Variants in SPG7 observed in about 807,000 individuals in gnomAD.
SPG7 encodes SPG7 matrix AAA peptidase subunit, paraplegin.
Under a neutral mutation model 81.9 loss-of-function variants are expected in SPG7, and 103 were observed. That is an observed-to-expected ratio of 1.26 (90% CI 1.07 to 1.48). SPG7 has a LOEUF of 1.48. SPG7 is among the 40% of genes most tolerant of loss of function. SPG7 has a pLI of 0.00. For missense variants in SPG7, 1,241 were observed against 1,087.3 expected (o/e 1.14, Z -1.99); for synonymous variants, 534 against 444.2 (o/e 1.20, Z -2.54).
In SPG7 at chr16:89,531,963, C is replaced by T. The variant is rs760055951; in HGVS notation, c.1047C>T (p.Gly349=). The change falls in exon 8 of 17, where the codon GGC becomes GGT. Residue 349 remains glycine, a synonymous_variant. Coordinates refer to ENST00000645818, the MANE Select transcript of SPG7 (RefSeq NM_003119.4). The part of the protein sequence containing the change: ...AKVPKGALLL[G]PPGCGKTLLA... The stretch of plus-strand genomic sequence containing the variant: ...TCCCAAAGGGCGCACTGCTGCTCGG[C>T]CCCCCCGGCTGTGGGAAGACGCTGC... The T allele has an allele frequency of 4.3e-6, 7 of 1,612,392 alleles. No homozygotes were observed. Among genetic ancestry groups the T allele is most frequent in the African/African-American group, 2.7e-5 (2 of 74,872 alleles).
chr16:89,544,977 C>T (rs1299195795), intron 10 of SPG7: 2 of 641,230 alleles, frequency 3.1e-6, no homozygotes, highest in African/African-American at 3.6e-5. Flanking sequence ...GTGGCCCCCA[C>T]ATTGGCTGCA....
At position 89,534,672 on chromosome 16, in the gene SPG7, C is replaced by T. The variant is rs541583005; in HGVS notation, c.1324+2036C>T. On this transcript the variant is annotated intron_variant, in intron 9 of 16. Transcript: ENST00000645818. ...CTACTCAGCTAAGGGGGAGCTTGCT[C>T]CACCTCTCATTGCAAAATCACTTTA... is the stretch of plus-strand genomic sequence containing the variant. Among the ~76,000 whole-genome samples the T allele has an allele frequency of 3.7e-4, 57 of 152,324 alleles. 1 individual carries two copies. The highest frequency in any genetic ancestry group is 1.3e-3 in the African/African-American group (55 of 41,572).
chr16:89,542,761 G>C (rs2058511466), intron 9 of SPG7, among the ~76,000 whole-genome samples: 1 of 152,032 alleles, frequency 6.6e-6, no homozygotes. Flanking sequence ...GCTGGAGCCA[G>C]GGTCTCACTC....
chr16:89,541,084 T>C (rs563240659), intron 9 of SPG7: 1 of 984,666 alleles, frequency 1.0e-6, no homozygotes, highest in African/African-American at 1.8e-5. Context: ...GGTGTATCCT[T>C]ATCACGGTGT....
intron 6 of SPG7, 174 bp from the exon 7 acceptor site, chr16:89,530,509 T>A: frequency 2.7e-6 from 2 of 752,102 alleles, no homozygotes; most frequent in Non-Finnish European, 4.8e-6. Flanking sequence ...AACATTTCCC[T>A]TCTGTGCTTG....
chr16:89,525,122 G>T (rs2058243775), intron 4 of SPG7, among the ~76,000 whole-genome samples: 1 of 151,820 alleles, frequency 6.6e-6, no homozygotes, highest in African/African-American at 2.4e-5. Flanking sequence ...ACCACACTTG[G>T]CTAATTTTTA....
intron 13 of SPG7, chr16:89,552,166 C>T (rs1386544628): frequency 1.3e-5 from 2 of 152,402 alleles, no homozygotes; most frequent in South Asian, 2.1e-4. Flanking sequence ...TCACACGATC[C>T]TCCTACCTCA....
intron 4 of SPG7, among the ~76,000 whole-genome samples, chr16:89,526,034 A>G (rs982523594): frequency 3.3e-5 from 5 of 152,206 alleles, no homozygotes; most frequent in Admixed American, 2.0e-4. Context: ...TTAGACTTGG[A>G]AGTACAGATG....
intron 13 of SPG7, chr16:89,551,089 T>G: frequency 4.4e-6 from 1 of 228,074 alleles, no homozygotes; most frequent in African/African-American, 2.2e-5. Context: ...AAAAAACTAC[T>G]CTTGTAGGCA....
chr16:89,530,530 G>A (rs2058327088), intron 6 of SPG7, 153 bp from the exon 7 acceptor site: 7 of 830,012 alleles, frequency 8.4e-6, no homozygotes, highest in South Asian at 1.3e-5. Context: ...AAGACTGACT[G>A]TGAGCCTCGT....
intron 8 of SPG7, 82 bp downstream of exon 8, chr16:89,532,148 C>A: frequency 6.9e-7 from 1 of 1,447,730 alleles, no homozygotes; most frequent in South Asian, 1.1e-5. Flanking sequence ...GGTGTCTGGA[C>A]TGAAAGGGAC....
intron 10 of SPG7, 111 bp downstream of exon 10, chr16:89,544,883 C>T: frequency 1.5e-6 from 2 of 1,364,916 alleles, no homozygotes; most frequent in Non-Finnish European, 2.1e-6. Context: ...TGTCACAGCC[C>T]CACAGGTGCT....
chr16:89,531,906 C>T lies in SPG7; in HGVS notation c.990C>T (p.Ser330=), dbSNP rs769911439. Residue 330 remains serine (S), a splice_region_variant and synonymous_variant, in exon 8 of 17, where the codon AGC becomes AGT. Coordinates refer to ENST00000645818, the MANE Select transcript of SPG7 (RefSeq NM_003119.4). ...EVREFVDYLK[S]PERFLQLGAK... is the part of the protein sequence containing the mutation. ...TTGCATTGTCTGCTGCCGTCCAGAG[C>T]CCAGAACGCTTCCTCCAGCTTGGCG... 1 of 1,614,086 alleles carries T rather than the reference C, an allele frequency of 6.2e-7. No individual in the cohort carries two copies. The highest frequency in any genetic ancestry group is 1.3e-5 in the African/African-American group (1 of 75,052).
chr16:89,525,307 A>C (rs755549687), intron 4 of SPG7, among the ~76,000 whole-genome samples: 59 of 152,328 alleles, frequency 3.9e-4, no homozygotes, highest in Admixed American at 7.8e-4. Flanking sequence ...TTGTTCTTAA[A>C]ATACACCATG....
At chr16:89,555,831 C>T (rs2058682371) in intron 16 of SPG7, 2 of 398,524 alleles carry the variant, frequency 5.0e-6, no homozygotes, top group East Asian at 3.6e-5. Flanking sequence ...GATGGGTAGG[C>T]AGTGGATAGG....
chr16:89,536,765 G>C lies in SPG7; in HGVS notation c.1324+4129G>C, dbSNP rs773551888. The C allele has an allele frequency of 6.8e-6, 11 of 1,613,840 alleles. No individual in the cohort carries two copies. In the South Asian group the frequency reaches 9.9e-5, roughly 14 times the overall value. On this transcript the variant is annotated intron_variant, in intron 9 of 16. Coordinates refer to ENST00000645818, the MANE Select transcript of SPG7 (RefSeq NM_003119.4). ...GTCTGCGGCCTTCTTCTCCAACCAG[G>C]TGCCTCTCTTGACCAGCTACCCTCC... is the stretch of plus-strand genomic sequence containing the variant.
chr16:89,512,398 C>G (rs1165436562), intron 2 of SPG7, among the ~76,000 whole-genome samples: 1 of 151,834 alleles, frequency 6.6e-6, no homozygotes, highest in African/African-American at 2.4e-5. Context: ...TCACTGCAAC[C>G]TCCGCCTCCC....
In SPG7 at chr16:89,537,483, C is replaced by G. The variant is rs1413126802; in HGVS notation, c.1324+4847C>G. 1.3e-5 allele frequency: 13 copies of G among 1,003,298 alleles called. 1 individual carries two copies. In the South Asian group the frequency reaches 4.7e-4, roughly 36 times the overall value. The allele number at this position is 1,003,298 out of a possible 1,614,324, so 62.1% of individuals were successfully genotyped here. On this transcript the variant is annotated intron_variant, in intron 9 of 16. Coordinates refer to ENST00000645818, the MANE Select transcript of SPG7 (RefSeq NM_003119.4). ...GGTGGTGGAAGCAAGACGACGGCCC[C>G]TGACGTGCAGCCACACACAGAAAAG...
chr16:89,520,622 C>T (rs11864726), intron 3 of SPG7: 65,640 of 152,362 alleles, frequency 0.43, 14,745 homozygotes, highest in East Asian at 0.67. Context: ...GTGTTGAACT[C>T]CTGACCTCAG....
Sources: gnomAD v4.1 joint callset for allele counts (sites outside exome capture counted in the v4.1 genomes callset) on GRCh38, gnomAD v4.1.1 for gene constraint, MANE v1.5 for transcripts, NCBI Gene and HGNC (gene_info 2026-07-23, HGNC 2026-07-21) for gene names.